SNTG1: variants seen among roughly 807,000 people sequenced by gnomAD.
SNTG1 encodes gamma-1-syntrophin.
In SNTG1, 39 loss-of-function variants were observed where a neutral mutation model predicts 74.7. That is an observed-to-expected ratio of 0.52 (90% confidence interval 0.40 to 0.68). The LOEUF is 0.68. Ranked by LOEUF, SNTG1 falls within the 30% of genes least tolerant of loss-of-function variation. The pLI, the probability that SNTG1 is intolerant of heterozygous loss-of-function variation, is 0.00. For missense variants in SNTG1, 685 were observed against 609.5 expected, an observed-to-expected ratio of 1.12 and a Z score of -1.30; for synonymous variants, 254 against 217.1, an observed-to-expected ratio of 1.17 and a Z score of -1.49.
intron 1 of SNTG1, among the ~76,000 whole-genome samples, chr8:49,948,807 C>T (rs965455694): frequency 6.6e-6 from 1 of 152,314 alleles, no homozygotes; most frequent in African/African-American, 2.4e-5. Context: ...CAGTCTTTTG[C>T]TGAGGCACTG....
chr8:50,735,085 T>C (rs2095524825), intron 17 of SNTG1, among the ~76,000 whole-genome samples: 1 of 151,160 alleles, frequency 6.6e-6, no homozygotes, highest in Non-Finnish European at 1.5e-5. Flanking sequence ...TAATCATTAC[T>C]ACTATCTGTT....
intron 2 of SNTG1, among the ~76,000 whole-genome samples, chr8:50,393,612 A>G (rs2092690708): frequency 6.6e-6 from 1 of 152,160 alleles, no homozygotes; most frequent in Non-Finnish European, 1.5e-5. Context: ...TACATTCATC[A>G]TTTAGGTATT....
At chr8:49,912,840 C>T (rs575674966) in intron 1 of SNTG1, among the ~76,000 whole-genome samples, 1 of 152,246 alleles carries the variant, frequency 6.6e-6, no homozygotes, top group South Asian at 2.1e-4. Context: ...ACCTGATCTG[C>T]CAGAAAGCAG....
chr8:50,157,284 T>A (rs2082282305), intron 1 of SNTG1, among the ~76,000 whole-genome samples: 1 of 152,136 alleles, frequency 6.6e-6, no homozygotes, highest in Non-Finnish European at 1.5e-5. Flanking sequence ...GAAGAGTGAC[T>A]GTGCCTGAGT....
chr8:50,359,262 C>T (rs76529304), intron 2 of SNTG1, among the ~76,000 whole-genome samples: 2,762 of 152,246 alleles, frequency 0.018, 83 homozygotes, highest in African/African-American at 0.064. Context: ...GACAGGGTCT[C>T]CACATTTACC....
chr8:50,400,377 G>A (rs1189396898), intron 3 of SNTG1, among the ~76,000 whole-genome samples: 2 of 152,132 alleles, frequency 1.3e-5, no homozygotes, highest in Admixed American at 6.5e-5. Context: ...GTTCCACTGT[G>A]TATAAGTACC....
chr8:50,509,970 A>G (rs149550605), intron 9 of SNTG1, among the ~76,000 whole-genome samples: 4,617 of 152,264 alleles, frequency 0.03, 233 homozygotes, highest in African/African-American at 0.1. Flanking sequence ...AGGAGTGGTG[A>G]GAGAGCATCC....
At chr8:50,196,232 A>C (rs1002360250) in intron 2 of SNTG1, among the ~76,000 whole-genome samples, 1 of 152,126 alleles carries the variant, frequency 6.6e-6, no homozygotes, top group African/African-American at 2.4e-5. Flanking sequence ...CACTTAAATA[A>C]TTGTCAGAAG....
At chr8:50,558,298 A>G (rs2130658435) in intron 12 of SNTG1, among the ~76,000 whole-genome samples, 1 of 152,348 alleles carries the variant, frequency 6.6e-6, no homozygotes, top group Non-Finnish European at 1.5e-5. Flanking sequence ...ACAAAGGAAC[A>G]GTAACAGAGA....
chr8:50,596,426 T>TTTTATTTTTAATCTATGA (rs1209861467), intron 13 of SNTG1, among the ~76,000 whole-genome samples: 3 of 152,066 alleles, frequency 2.0e-5, no homozygotes, highest in African/African-American at 7.2e-5. Flanking sequence ...ACAGTATTCT[T>TTTTATTTTTAATCTATGA]TTTATTTTTA....
At chr8:50,257,650 G>T (rs2086951188) in intron 2 of SNTG1, among the ~76,000 whole-genome samples, 1 of 152,146 alleles carries the variant, frequency 6.6e-6, no homozygotes, top group Non-Finnish European at 1.5e-5. Flanking sequence ...ATGGCCTTGA[G>T]CAGTATGATA....
At chr8:49,980,789 T>C (rs955453090) in intron 1 of SNTG1, among the ~76,000 whole-genome samples, 12 of 152,290 alleles carry the variant, frequency 7.9e-5, no homozygotes, top group Middle Eastern at 6.8e-3. Context: ...AAGTATTCTT[T>C]AGGGAAATGT....
intron 9 of SNTG1, among the ~76,000 whole-genome samples, chr8:50,505,278 A>G (rs1240190662): frequency 5.3e-5 from 8 of 152,170 alleles, no homozygotes; most frequent in Non-Finnish European, 1.0e-4. Context: ...GTTATTGTGA[A>G]TAATGCTACA....
At chr8:50,016,699 A>G (rs569578131) in intron 1 of SNTG1, among the ~76,000 whole-genome samples, 3 of 152,306 alleles carry the variant, frequency 2.0e-5, no homozygotes, top group Non-Finnish European at 4.4e-5. Flanking sequence ...TGTCTAACAT[A>G]ATTTCTGTAG....
chr8:50,659,072 A>T (rs548675853), intron 15 of SNTG1, among the ~76,000 whole-genome samples: 1 of 152,296 alleles, frequency 6.6e-6, no homozygotes, highest in African/African-American at 2.4e-5. Flanking sequence ...GGAATTAGAA[A>T]ATATAGAAAA....
chr8:50,258,994 T>C (rs1462432840), intron 2 of SNTG1, among the ~76,000 whole-genome samples: 1 of 152,096 alleles, frequency 6.6e-6, no homozygotes, highest in African/African-American at 2.4e-5. Context: ...CCTAAATCTA[T>C]ACATATCACA....
At chr8:50,228,048 A>G (rs1438318900) in intron 2 of SNTG1, among the ~76,000 whole-genome samples, 1 of 151,874 alleles carries the variant, frequency 6.6e-6, no homozygotes, top group Non-Finnish European at 1.5e-5. Context: ...GAATTTAAAA[A>G]TAGTTATGTT....
intron 9 of SNTG1, among the ~76,000 whole-genome samples, chr8:50,503,969 T>C (rs971517283): frequency 6.6e-6 from 1 of 152,208 alleles, no homozygotes; most frequent in Admixed American, 6.5e-5. Context: ...TAGTTATTTA[T>C]CCTGATCCTG....
chr8:50,525,799 C>G (rs1039329119), intron 9 of SNTG1, among the ~76,000 whole-genome samples: 6 of 149,408 alleles, frequency 4.0e-5, no homozygotes, highest in Non-Finnish European at 8.9e-5. Flanking sequence ...CACTGAGCTT[C>G]TTTGAGATGA....
Sources: allele counts gnomAD v4.1 joint callset (sites outside exome capture counted in the v4.1 genomes callset), GRCh38; gene constraint gnomAD v4.1.1; transcripts MANE v1.5; gene names NCBI Gene and HGNC (gene_info 2026-07-23, HGNC 2026-07-21).